The following NEGR1 variants were observed in gnomAD, a reference collection of about 807,000 sequenced individuals.
The protein encoded by NEGR1 is IgLON family member 4.
Under a neutral mutation model 40.9 loss-of-function variants are expected in NEGR1, and 10 were observed. The observed-to-expected ratio is 0.24, with a 90% CI of 0.15 to 0.42. NEGR1 has a LOEUF of 0.42. Ranked by LOEUF, NEGR1 falls within the 10% of genes least tolerant of loss-of-function variation. The pLI, the probability that NEGR1 is intolerant of heterozygous loss-of-function variation, is 1.00. For synonymous variants in NEGR1, 185 were observed against 166.8 expected (o/e 1.11, Z -0.84); for missense variants, 352 against 438.9 (o/e 0.80, Z 1.77).
intron 3 of NEGR1, among the ~76,000 whole-genome samples, chr1:71,758,022 A>G (rs1655801536): frequency 6.6e-6 from 1 of 152,000 alleles, no homozygotes; most frequent in African/African-American, 2.4e-5. Context: ...CAACCCTGTT[A>G]CATTGCTGCT....
At chr1:72,166,052 C>T (rs548192848) in intron 1 of NEGR1, among the ~76,000 whole-genome samples, 21 of 152,104 alleles carry the variant, frequency 1.4e-4, no homozygotes, top group Non-Finnish European at 2.8e-4. Flanking sequence ...GAATTAGAGA[C>T]CGGGCACCTC....
intron 4 of NEGR1, among the ~76,000 whole-genome samples, chr1:71,696,421 G>T (rs1653476040): frequency 6.6e-6 from 1 of 151,618 alleles, no homozygotes; most frequent in African/African-American, 2.4e-5. Flanking sequence ...AAGACCTCTT[G>T]GGTCTTGGAG....
At chr1:71,845,741 A>G (rs796480174) in intron 2 of NEGR1, among the ~76,000 whole-genome samples, 17 of 152,036 alleles carry the variant, frequency 1.1e-4, no homozygotes, top group African/African-American at 3.9e-4. Flanking sequence ...CTATCTACCT[A>G]CCTACCTACC....
intron 6 of NEGR1, among the ~76,000 whole-genome samples, chr1:71,503,612 T>A (rs1036915309): frequency 1.3e-5 from 2 of 152,174 alleles, no homozygotes; most frequent in African/African-American, 4.8e-5. Flanking sequence ...GCATCTAGCA[T>A]GTTGCCCCTT....
At chr1:71,547,747 C>A (rs1430552263) in intron 6 of NEGR1, among the ~76,000 whole-genome samples, 3 of 149,576 alleles carry the variant, frequency 2.0e-5, no homozygotes, top group Non-Finnish European at 4.4e-5. Context: ...GCCATGGCAT[C>A]TGTGGTTGCC....
chr1:71,955,475 C>T (rs909898599), intron 1 of NEGR1, among the ~76,000 whole-genome samples: 3 of 152,082 alleles, frequency 2.0e-5, no homozygotes, highest in Admixed American at 6.6e-5. Context: ...AAGGCAACCT[C>T]GACCACCAAA....
Position 71,396,371 on chromosome 1 carries a change from G to GATTA in NEGR1, c.*11071_*11074dup, listed in dbSNP as rs1406379256. On this transcript the variant is annotated 3_prime_UTR_variant, in exon 7 of 7. Coordinates refer to ENST00000357731, the MANE Select transcript of NEGR1 (RefSeq NM_173808.3). ...TATTTTATTGTCAAATAAGTGGATGGATTAATGAATGAATGAATGCCACAT... is the reference window on the plus strand; with the variant it reads ...TATTTTATTGTCAAATAAGTGGATGGATTAATTAATGAATGAATGAATGCCACAT... The GATTA allele has an allele frequency of 2.6e-5, 4 of 152,168 alleles. No homozygotes were observed. The highest frequency in any genetic ancestry group is 6.5e-5 in the Admixed American group (1 of 15,278). 9.4% of individuals were successfully genotyped at this position (152,168 alleles called of 1,614,324 possible).
At chr1:71,803,442 G>T (rs938311864) in intron 2 of NEGR1, among the ~76,000 whole-genome samples, 2 of 152,116 alleles carry the variant, frequency 1.3e-5, no homozygotes. Context: ...AGAGCCAGGG[G>T]TATAGTCTGT....
intron 3 of NEGR1, among the ~76,000 whole-genome samples, chr1:71,715,827 A>G (rs1299800063): frequency 6.6e-6 from 1 of 152,172 alleles, no homozygotes; most frequent in Non-Finnish European, 1.5e-5. Flanking sequence ...TCTAGGAAGT[A>G]CCATACTTTC....
At chr1:71,750,057 A>G (rs966629165) in intron 3 of NEGR1, among the ~76,000 whole-genome samples, 4 of 147,740 alleles carry the variant, frequency 2.7e-5, no homozygotes, top group Non-Finnish European at 5.9e-5. Flanking sequence ...GCAGTGGCGC[A>G]ATCTCGGCTC....
chr1:72,104,584 A>G (rs910811434), intron 1 of NEGR1, among the ~76,000 whole-genome samples: 27 of 152,086 alleles, frequency 1.8e-4, no homozygotes, highest in Non-Finnish European at 3.4e-4. Flanking sequence ...TAAGATAATA[A>G]CTAGTTTTTA....
chr1:72,207,006 A>T (rs1653427723), intron 1 of NEGR1, among the ~76,000 whole-genome samples: 1 of 151,600 alleles, frequency 6.6e-6, no homozygotes, highest in Non-Finnish European at 1.5e-5. Context: ...TAGAGACATA[A>T]GTTATTCCTA....
chr1:72,170,862 T>A (rs1557561160), intron 1 of NEGR1, among the ~76,000 whole-genome samples: 1 of 152,184 alleles, frequency 6.6e-6, no homozygotes, highest in Non-Finnish European at 1.5e-5. Context: ...AGACCCCTAC[T>A]AATTTGAGTG....
intron 6 of NEGR1, among the ~76,000 whole-genome samples, chr1:71,434,898 T>A (rs372322998): frequency 5.3e-5 from 8 of 152,294 alleles, no homozygotes; most frequent in African/African-American, 1.9e-4. Context: ...AAGACCATCC[T>A]GGCTAAAACG....
chr1:71,564,216 T>C (rs1190265132), intron 6 of NEGR1, among the ~76,000 whole-genome samples: 3 of 151,986 alleles, frequency 2.0e-5, no homozygotes, highest in African/African-American at 7.2e-5. Context: ...GTTTGGGAAG[T>C]ACTGATCTAG....
chr1:72,166,055 G>C (rs1357791217), intron 1 of NEGR1, among the ~76,000 whole-genome samples: 1 of 151,870 alleles, frequency 6.6e-6, no homozygotes, highest in East Asian at 1.9e-4. Context: ...TTAGAGACCG[G>C]GCACCTCTTT....
At chr1:72,091,465 C>G (rs12742474) in intron 1 of NEGR1, among the ~76,000 whole-genome samples, 21,999 of 149,278 alleles carry the variant, frequency 0.15, 1,804 homozygotes, top group Non-Finnish European at 0.17. Flanking sequence ...AACTCCCTCC[C>G]TCCCTTCCTT....
intron 3 of NEGR1, among the ~76,000 whole-genome samples, chr1:71,755,739 A>T (rs1279629504): frequency 1.3e-5 from 2 of 152,174 alleles, no homozygotes; most frequent in African/African-American, 4.8e-5. Flanking sequence ...TGTATTGTTA[A>T]TGTGTAATTT....
intron 1 of NEGR1, among the ~76,000 whole-genome samples, chr1:71,992,997 C>T (rs1232814581): frequency 2.0e-5 from 3 of 152,118 alleles, no homozygotes; most frequent in African/African-American, 7.2e-5. Flanking sequence ...TATATGTACT[C>T]ATTGCGGATT....
Sources: allele counts gnomAD v4.1 joint callset (sites outside exome capture counted in the v4.1 genomes callset), GRCh38; gene constraint gnomAD v4.1.1; transcripts MANE v1.5; gene names NCBI Gene and HGNC (gene_info 2026-07-23, HGNC 2026-07-21).